Variants in KCNQ1 observed in about 807,000 individuals in gnomAD.
The protein encoded by KCNQ1 is potassium voltage-gated channel subfamily KQT member 1.
Under a neutral mutation model 72.4 loss-of-function variants are expected in KCNQ1, and 49 were observed. That is an observed-to-expected ratio of 0.68 (90% CI 0.54 to 0.86). The LOEUF is 0.86. KCNQ1 is among the 40% of genes least tolerant of loss of function. The pLI, the probability that KCNQ1 is intolerant of heterozygous loss-of-function variation, is 0.00. For missense variants in KCNQ1, 790 were observed against 945.1 expected (o/e 0.84, Z 2.15); for synonymous variants, 450 against 412.6 (o/e 1.09, Z -1.10).
In KCNQ1 at chr11:2,563,310, A is replaced by G. The variant is rs1848201002; in HGVS notation, c.478-7318A>G. Among the ~76,000 whole-genome samples, 1 of 152,192 alleles carries G rather than the reference A, an allele frequency of 6.6e-6. No individual in the cohort carries two copies. On this transcript the variant is annotated intron_variant, in intron 2 of 15. Coordinates refer to ENST00000155840, the MANE Select transcript of KCNQ1 (RefSeq NM_000218.3). The surrounding 1 kb of genome is among the most constrained non-coding windows in gnomAD (Gnocchi z 7.4). ...TCCACGGCCGGTTGCAACACGTTTGAGCCAAAGTGCGACCTTTCCCCGCTC... is the reference window on the plus strand; with the variant it reads ...TCCACGGCCGGTTGCAACACGTTTGGGCCAAAGTGCGACCTTTCCCCGCTC...
intron 15 of KCNQ1, among the ~76,000 whole-genome samples, chr11:2,801,673 G>A (rs1847267742): frequency 6.6e-6 from 1 of 152,230 alleles, no homozygotes. Context: ...TTCAACATGT[G>A]AATTTAGGAG....
At chr11:2,835,890 G>A (rs765326676) in intron 15 of KCNQ1, among the ~76,000 whole-genome samples, 5 of 152,170 alleles carry the variant, frequency 3.3e-5, no homozygotes, top group Non-Finnish European at 7.3e-5. Context: ...GCAAGACCTG[G>A]GTCAGCAGAG....
chr11:2,579,358 C>T lies in KCNQ1; in HGVS notation c.922-4077C>T, dbSNP rs1393609624. On this transcript the variant is annotated intron_variant, in intron 6 of 15. Coordinates refer to ENST00000155840, the MANE Select transcript of KCNQ1 (RefSeq NM_000218.3). The surrounding 1 kb of genome is among the most constrained non-coding windows in gnomAD (Gnocchi z 6.0). ...GAAACACACTGACCAGTGGGGTGTG[C>T]GTTCCCCGCTCGCCCCCACAGTTCC... Among the ~76,000 whole-genome samples, 1 of 152,172 alleles carries T rather than the reference C, an allele frequency of 6.6e-6. No homozygotes were observed. Among genetic ancestry groups the T allele is most frequent in the Non-Finnish European group, 1.5e-5 (1 of 68,030 alleles).
In KCNQ1 at chr11:2,588,922, G is replaced by A. The variant is rs968464587; in HGVS notation, c.1393+68G>A. The A allele has an allele frequency of 1.9e-4, 297 of 1,563,136 alleles. 1 individual carries two copies. The highest frequency in any genetic ancestry group is 1.4e-4 in the Admixed American group (8 of 56,756). ...GTCACTGCCTTTTTTGGGAGCCCGAGCAAGCCAGTGAGTTTCTCCCTTGGG... is the reference window on the plus strand; with the variant it reads ...GTCACTGCCTTTTTTGGGAGCCCGAACAAGCCAGTGAGTTTCTCCCTTGGG... On this transcript the variant is annotated intron_variant, in intron 10 of 15. Coordinates refer to ENST00000155840, the MANE Select transcript of KCNQ1 (RefSeq NM_000218.3). This position sits in a 1 kb window ranked among gnomAD's most constrained non-coding sequence, Gnocchi z 5.6.
In KCNQ1 at chr11:2,775,956, G is replaced by A. The variant is rs555518358; in HGVS notation, c.1591-4G>A. On this transcript the variant is annotated splice_polypyrimidine_tract_variant and splice_region_variant and intron_variant, in intron 12 of 15. Coordinates refer to ENST00000155840, the MANE Select transcript of KCNQ1 (RefSeq NM_000218.3). ...GAAGTGATGCGTGTCTTTTTGTCCC[G>A]CAGCAAGCGCGGAAGCCTTACGATG... 5.2e-5 allele frequency: 81 copies of A among 1,554,844 alleles called. No homozygotes were observed. Among genetic ancestry groups the A allele is most frequent in the Middle Eastern group, 5.0e-4 (3 of 5,994 alleles).
chr11:2,820,154 T>A (rs956491400), intron 15 of KCNQ1, among the ~76,000 whole-genome samples: 1 of 152,198 alleles, frequency 6.6e-6, no homozygotes, highest in African/African-American at 2.4e-5. Flanking sequence ...GCTTCTTGAG[T>A]TGAAAGCTTA....
At position 2,720,384 on chromosome 11, in the gene KCNQ1, G is replaced by A. The variant is rs186705075; in HGVS notation, c.1515-48460G>A. Among the ~76,000 whole-genome samples, 167 of 152,304 alleles carry A rather than the reference G, an allele frequency of 1.1e-3. No homozygotes were observed. The highest frequency in any genetic ancestry group is 1.7e-3 in the Admixed American group (26 of 15,292). ...GCCCGGCTACAGTCAGGCCTCCTTC[G>A]TGCTGAGCATGTGCTGGCCCTGCCT... is the stretch of plus-strand genomic sequence containing the variant. On this transcript the variant is annotated intron_variant, in intron 11 of 15. Transcript: ENST00000155840. The surrounding 1 kb of genome is among the most constrained non-coding windows in gnomAD (Gnocchi z 5.1).
intron 1 of KCNQ1, among the ~76,000 whole-genome samples, chr11:2,465,269 G>A (rs940920785): frequency 3.9e-5 from 6 of 152,168 alleles, no homozygotes; most frequent in African/African-American, 1.4e-4. Flanking sequence ...AGCTGGCACC[G>A]TGACCCCTTC....
intron 2 of KCNQ1, among the ~76,000 whole-genome samples, chr11:2,534,792 G>A (rs1328538135): frequency 6.6e-6 from 1 of 152,248 alleles, no homozygotes; most frequent in Non-Finnish European, 1.5e-5. Flanking sequence ...TCCCTGGCAG[G>A]GTTGTTTCCG....
chr11:2,681,786 A>ATGGG lies in KCNQ1; in HGVS notation c.1514+19707_1514+19710dup, dbSNP rs1427486800. ...GGCCCTGGGACCTGGGAGGACCAGA[A>ATGGG]TGGGTACAGTCCCTGCCTTCTCAGG... On this transcript the variant is annotated intron_variant, in intron 11 of 15. Transcript: ENST00000155840. 7.5e-6 allele frequency: 3 copies of ATGGG among 398,466 alleles called. No individual in the cohort carries two copies. The highest frequency in any genetic ancestry group is 7.1e-5 in the East Asian group (2 of 28,072). 24.7% of individuals were successfully genotyped at this position (398,466 alleles called of 1,614,324 possible). A position where few individuals can be genotyped will look rare whatever the true frequency, so the allele number is the denominator to read the frequency against.
At chr11:2,761,066 A>T (rs1284616608) in intron 11 of KCNQ1, among the ~76,000 whole-genome samples, 1 of 152,222 alleles carries the variant, frequency 6.6e-6, no homozygotes, top group East Asian at 1.9e-4. Flanking sequence ...GTACTGGAAG[A>T]ATCAGATCAC....
rs1848462268 is a variant in KCNQ1, at chr11:2,579,144, C to T, written c.922-4291C>T. ...GCTCTGGGAGCCAGGGCTTGGCATG[C>T]GGCTGGAGCTCAGGTTTCTGGGCTG... On this transcript the variant is annotated intron_variant, in intron 6 of 15. Transcript: ENST00000155840. This position sits in a 1 kb window ranked among gnomAD's most constrained non-coding sequence, Gnocchi z 6.0. Among the ~76,000 whole-genome samples, 1 of 152,206 alleles carries T rather than the reference C, an allele frequency of 6.6e-6. No individual in the cohort carries two copies. Among genetic ancestry groups the T allele is most frequent in the Non-Finnish European group, 1.5e-5 (1 of 68,032 alleles).
At chr11:2,685,181 T>G (rs894168113) in intron 11 of KCNQ1, 3 of 398,536 alleles carry the variant, frequency 7.5e-6, no homozygotes, top group Non-Finnish European at 1.3e-5. Flanking sequence ...CTGCATGGAA[T>G]GCCCCCTTCG....
chr11:2,504,858 ACTGT>A (rs560681076), intron 1 of KCNQ1, among the ~76,000 whole-genome samples: 14 of 152,276 alleles, frequency 9.2e-5, no homozygotes, highest in African/African-American at 3.4e-4. Flanking sequence ...ATTATTATGT[ACTGT>A]CTGTCTATGT....
At chr11:2,510,555 C>T (rs1046323528) in intron 1 of KCNQ1, among the ~76,000 whole-genome samples, 4 of 151,966 alleles carry the variant, frequency 2.6e-5, no homozygotes, top group Non-Finnish European at 5.9e-5. Context: ...GCAGTGAGCT[C>T]AGATTGTGCC....
In KCNQ1 at chr11:2,570,651, CG is replaced by C. The variant is rs397508114; in HGVS notation, c.504del (p.Thr169ArgfsTer68). 1.2e-5 allele frequency: 20 copies of C among 1,612,562 alleles called. No individual in the cohort carries two copies. The highest frequency in any genetic ancestry group is 1.7e-5 in the Non-Finnish European group (20 of 1,179,992). On this transcript the variant is annotated frameshift_variant, in exon 3 of 16. Coordinates refer to ENST00000155840, the MANE Select transcript of KCNQ1 (RefSeq NM_000218.3). LOFTEE classifies it high-confidence loss of function. The part of the protein sequence containing the change: ...WMEIVLVVFF[G>X]TEYVVRLWSA... ...AGGAGATCGTGCTGGTGGTGTTCTT[CG>C]GGACGGAGTACGTGGTCCGCCTCTG...
intron 10 of KCNQ1, chr11:2,629,748 G>A (rs1037244002): frequency 1.8e-5 from 7 of 398,284 alleles, no homozygotes; most frequent in East Asian, 7.1e-5. Context: ...GTATAGATAC[G>A]CAAATGACTT....
At chr11:2,681,068 T>G in intron 11 of KCNQ1, 4 of 398,562 alleles carry the variant, frequency 1.0e-5, no homozygotes, top group Non-Finnish European at 1.8e-5. Flanking sequence ...AAAAGAGACT[T>G]TGGAAGATTT....
In KCNQ1 at chr11:2,599,699, C is replaced by T. The variant is rs188325503; in HGVS notation, c.1393+10845C>T. 5.3e-5 allele frequency among the ~76,000 whole-genome samples: 8 copies of T among 152,256 alleles called. No individual in the cohort carries two copies. In the East Asian group the frequency reaches 5.8e-4, roughly 11 times the overall value. On this transcript the variant is annotated intron_variant, in intron 10 of 15. Transcript: ENST00000155840. This position sits in a 1 kb window ranked among gnomAD's most constrained non-coding sequence, Gnocchi z 4.7. ...CCTCTTTCCTTGCCTTGCAGATGGC[C>T]GCCTTCTTCCTGTGTCATCACATGA...
Sources: allele counts gnomAD v4.1 joint callset (sites outside exome capture counted in the v4.1 genomes callset), GRCh38; gene constraint gnomAD v4.1.1; non-coding constraint Gnocchi (gnomAD v3.1); transcripts MANE v1.5; gene names NCBI Gene and HGNC (gene_info 2026-07-23, HGNC 2026-07-21).